KAZN: variants seen among roughly 807,000 people sequenced by gnomAD.
KAZN encodes kazrin, periplakin interacting protein, also known as kazrin.
KAZN carries 40 observed loss-of-function variants against 87.4 expected under a neutral mutation model. The observed-to-expected ratio is 0.46, with a 90% CI of 0.36 to 0.60. KAZN has a LOEUF of 0.60. Among genes scored for constraint, KAZN ranks in the 20% least tolerant of loss-of-function variants. The pLI is 0.00. For missense variants in KAZN, 898 were observed against 1,073.9 expected, an observed-to-expected ratio of 0.84 and a Z score of 2.29; for synonymous variants, 466 against 458.3, an observed-to-expected ratio of 1.02 and a Z score of -0.22.
At chr1:14,918,818 G>C (rs1038758505) in intron 1 of KAZN, among the ~76,000 whole-genome samples, 3 of 148,740 alleles carry the variant, frequency 2.0e-5, no homozygotes, top group Non-Finnish European at 4.4e-5. Context: ...TTGTCCCTAG[G>C]TTGAGCCTCA....
chr1:14,539,468 C>T (rs970739606), intron 2 of KAZN, among the ~76,000 whole-genome samples: 2 of 152,080 alleles, frequency 1.3e-5, no homozygotes, highest in African/African-American at 4.8e-5. Context: ...GACAAATGTA[C>T]CATGGTTCTG....
chr1:14,800,978 A>T (rs77136472), intron 1 of KAZN, among the ~76,000 whole-genome samples: 8,667 of 151,750 alleles, frequency 0.057, 337 homozygotes, highest in Admixed American at 0.11. Flanking sequence ...GCACAACCTC[A>T]TGAATATGCT....
intron 1 of KAZN, among the ~76,000 whole-genome samples, chr1:14,670,288 AG>A (rs1639840749): frequency 6.6e-6 from 1 of 152,092 alleles, no homozygotes; most frequent in South Asian, 2.1e-4. Flanking sequence ...GTGTCCTCCT[AG>A]TCAAAGGCAG....
intron 1 of KAZN, among the ~76,000 whole-genome samples, chr1:13,922,911 T>G (rs892657792): frequency 6.6e-6 from 1 of 152,200 alleles, no homozygotes; most frequent in Non-Finnish European, 1.5e-5. Context: ...CGTCAGCACA[T>G]AGTAGATGGA....
At chr1:14,730,139 A>G (rs1049860425) in intron 1 of KAZN, among the ~76,000 whole-genome samples, 1 of 152,106 alleles carries the variant, frequency 6.6e-6, no homozygotes, top group Non-Finnish European at 1.5e-5. Context: ...GCTGGAGTGC[A>G]GTGGCGCGAT....
intron 2 of KAZN, among the ~76,000 whole-genome samples, chr1:14,306,695 A>G (rs941637626): frequency 6.6e-6 from 1 of 152,172 alleles, no homozygotes; most frequent in Non-Finnish European, 1.5e-5. Flanking sequence ...GGTGTTCAGA[A>G]TAATGAGCAG....
rs1288613498 is a variant in KAZN, at chr1:14,133,375, AAAAAAGAAAGAAAGAAAG to A, written c.92-47056_92-47039del. Among the ~76,000 whole-genome samples the A allele has an allele frequency of 1.7e-4, 14 of 82,898 alleles. 1 individual carries two copies. Among genetic ancestry groups the A allele is most frequent in the African/African-American group, 8.5e-4 (14 of 16,498 alleles). The allele number at this position is 82,898 out of a possible 152,430, so 54.4% of individuals were successfully genotyped here. On this transcript the variant is annotated intron_variant, in intron 1 of 16. Coordinates refer to the KAZN transcript ENST00000636203. ...AGTGAGACTCCCTCTCAAAAAAAAAAAAAAAGAAAGAAAGAAAGAAAGAAAGAAAGAAAGAAAGAAAGA... is the reference window on the plus strand; with the variant it reads ...AGTGAGACTCCCTCTCAAAAAAAAAAAAAGAAAGAAAGAAAGAAAGAAAGA...
chr1:14,345,619 G>T (rs773344877), intron 2 of KAZN, among the ~76,000 whole-genome samples: 1 of 152,118 alleles, frequency 6.6e-6, no homozygotes, highest in Non-Finnish European at 1.5e-5. Flanking sequence ...CATTTCAAGG[G>T]CTCAGAAGTC....
intron 1 of KAZN, among the ~76,000 whole-genome samples, chr1:14,114,188 A>C (rs543350448): frequency 6.6e-6 from 1 of 152,336 alleles, no homozygotes; most frequent in African/African-American, 2.4e-5. Flanking sequence ...CTGGTTCTTC[A>C]GGGCCACAGC....
intron 2 of KAZN, among the ~76,000 whole-genome samples, chr1:14,418,764 G>T (rs557134872): frequency 7.2e-5 from 11 of 152,300 alleles, no homozygotes; most frequent in African/African-American, 2.6e-4. Flanking sequence ...TAGCTCTGAA[G>T]CCAGACCCTT....
At chr1:14,041,547 C>T (rs144765711) in intron 1 of KAZN, among the ~76,000 whole-genome samples, 201 of 152,188 alleles carry the variant, frequency 1.3e-3, no homozygotes, top group African/African-American at 4.7e-3. Context: ...TATTTTTTCT[C>T]CTTGATTTCT....
chr1:14,987,847 G>A (rs1359648188), intron 2 of KAZN, among the ~76,000 whole-genome samples: 1 of 152,216 alleles, frequency 6.6e-6, no homozygotes, highest in African/African-American at 2.4e-5. Context: ...AGGGATACGG[G>A]GCCCAGGCCG....
intron 5 of KAZN, 59 bp from the exon 6 acceptor site, chr1:15,060,113 G>A: frequency 6.2e-7 from 1 of 1,602,228 alleles, no homozygotes; most frequent in Non-Finnish European, 8.5e-7. Context: ...AACCGCCAAG[G>A]CAGCACAGGC....
At chr1:14,056,200 C>A (rs1480537505) in intron 1 of KAZN, among the ~76,000 whole-genome samples, 1 of 152,212 alleles carries the variant, frequency 6.6e-6, no homozygotes, top group East Asian at 1.9e-4. Flanking sequence ...CTCTTAATCT[C>A]CAGAAACTGT....
intron 1 of KAZN, among the ~76,000 whole-genome samples, chr1:14,808,897 C>G (rs891220517): frequency 6.6e-6 from 1 of 152,098 alleles, no homozygotes; most frequent in Non-Finnish European, 1.5e-5. Flanking sequence ...ACTGGAGAAG[C>G]CTTCCCTCAT....
chr1:14,053,686 T>C (rs1266556975), intron 1 of KAZN, among the ~76,000 whole-genome samples: 2 of 152,086 alleles, frequency 1.3e-5, no homozygotes, highest in Admixed American at 1.3e-4. Flanking sequence ...ACAGTGAAAA[T>C]TGTTTTATGC....
rs868007610 is a variant in KAZN at position 14,849,939 on chromosome 1, T to C, written c.227-110745T>C. On this transcript the variant is annotated intron_variant, in intron 1 of 14. Transcript: ENST00000376030. The stretch of plus-strand genomic sequence containing the variant: ...ACTTGGGTAGATTTTCTACCCCCCC[T>C]TTTTTTTTTTTTTGAAACAGAGTAT... 4.5e-3 allele frequency among the ~76,000 whole-genome samples: 490 copies of C among 109,440 alleles called. 2 individuals are homozygous for C. The highest frequency in any genetic ancestry group is 0.029 in the East Asian group (124 of 4,314). The allele number at this position is 109,440 out of a possible 152,430, so 71.8% of individuals were successfully genotyped here.
intron 1 of KAZN, among the ~76,000 whole-genome samples, chr1:14,630,981 T>G (rs571531818): frequency 6.6e-6 from 1 of 152,332 alleles, no homozygotes; most frequent in South Asian, 2.1e-4. Flanking sequence ...CTAGTATACG[T>G]TGATTACCCC....
intron 2 of KAZN, among the ~76,000 whole-genome samples, chr1:14,390,014 TAAAA>T (rs960295304): frequency 3.9e-5 from 6 of 151,988 alleles, no homozygotes; most frequent in African/African-American, 2.4e-5. Flanking sequence ...AATTAAAAAT[TAAAA>T]AAAGTAAGTG....
Sources: allele counts gnomAD v4.1 joint callset (sites outside exome capture counted in the v4.1 genomes callset), GRCh38; gene constraint gnomAD v4.1.1; transcripts MANE v1.5; gene names NCBI Gene and HGNC (gene_info 2026-07-23, HGNC 2026-07-21).